The following TGFBR2 variants were observed in gnomAD, a reference collection of about 807,000 sequenced individuals.
TGFBR2 encodes the protein transforming growth factor beta receptor 2.
Under a neutral mutation model 49.0 loss-of-function variants are expected in TGFBR2, and 18 were observed. That is an observed-to-expected ratio of 0.37 (90% confidence interval 0.25 to 0.54). The LOEUF (loss-of-function observed/expected upper bound fraction) is 0.54, where lower values mean the gene tolerates loss of function less well. TGFBR2 is among the 20% of genes least tolerant of loss of function. The probability of loss-of-function intolerance (pLI) is 0.85; values close to 1 mark genes in which losing one functional copy is unlikely to be tolerated. For synonymous variants in TGFBR2, 282 were observed against 275.9 expected (o/e 1.02, Z -0.22); for missense variants, 525 against 722.6 (o/e 0.73, Z 3.13).
intron 1 of TGFBR2, among the ~76,000 whole-genome samples, chr3:30,635,387 TG>T (rs1177955145): frequency 1.3e-5 from 2 of 152,094 alleles, no homozygotes; most frequent in African/African-American, 2.4e-5. Context: ...CAGCAAGCGT[TG>T]GGGGGACTCA....
intron 1 of TGFBR2, among the ~76,000 whole-genome samples, chr3:30,607,812 A>G (rs1017248898): frequency 2.2e-5 from 3 of 139,098 alleles, no homozygotes; most frequent in Admixed American, 2.1e-4. Context: ...ATATATATAT[A>G]TTATATATAT....
chr3:30,691,275 G>T, intron 6 of TGFBR2, 145 bp from the exon 7 acceptor site: 1 of 861,614 alleles, frequency 1.2e-6, no homozygotes, highest in Non-Finnish European at 1.8e-6. Context: ...GCCTGCAGCA[G>T]CAGGCACTCA....
chr3:30,616,478 G>A (rs1698135962), intron 1 of TGFBR2, among the ~76,000 whole-genome samples: 1 of 152,184 alleles, frequency 6.6e-6, no homozygotes, highest in Non-Finnish European at 1.5e-5. Flanking sequence ...AGCTGGTAAA[G>A]ACTAAGGTAT....
chr3:30,610,608 G>A (rs928705944), intron 1 of TGFBR2, among the ~76,000 whole-genome samples: 2 of 152,174 alleles, frequency 1.3e-5, no homozygotes, highest in Non-Finnish European at 2.9e-5. Flanking sequence ...CACTTGCCAT[G>A]TACTGGCTGT....
intron 1 of TGFBR2, among the ~76,000 whole-genome samples, chr3:30,622,698 G>A (rs1698252905): frequency 6.6e-6 from 1 of 151,746 alleles, no homozygotes; most frequent in Admixed American, 6.6e-5. Context: ...TGACCAACAT[G>A]GTGAAACCCT....
At chr3:30,620,341 C>T (rs1397113751) in intron 1 of TGFBR2, among the ~76,000 whole-genome samples, 1 of 152,100 alleles carries the variant, frequency 6.6e-6, no homozygotes, top group Non-Finnish European at 1.5e-5. Context: ...CTTTTAAAGG[C>T]CGAGGAAACT....
intron 1 of TGFBR2, among the ~76,000 whole-genome samples, chr3:30,613,211 A>T (rs545457209): frequency 2.7e-5 from 4 of 150,342 alleles, no homozygotes; most frequent in African/African-American, 9.8e-5. Context: ...TAAAATATAG[A>T]CCTAGTATAT....
chr3:30,691,131 G>A (rs1156448397), intron 6 of TGFBR2, among the ~76,000 whole-genome samples: 2 of 152,158 alleles, frequency 1.3e-5, no homozygotes, highest in Non-Finnish European at 2.9e-5. Context: ...TACCCCAGAA[G>A]CCCAGCAGAG....
chr3:30,689,931 A>G (rs956730672), intron 6 of TGFBR2, among the ~76,000 whole-genome samples: 1 of 152,244 alleles, frequency 6.6e-6, no homozygotes, highest in Non-Finnish European at 1.5e-5. Flanking sequence ...GTGCCAGAAT[A>G]AAATAAATGT....
In TGFBR2 at chr3:30,692,511, G is replaced by T. The variant is rs1281356736; in HGVS notation, c.*912G>T. 4.3e-6 allele frequency: 1 copy of T among 232,764 alleles called. No individual in the cohort carries two copies. The highest frequency in any genetic ancestry group is 2.2e-5 in the African/African-American group (1 of 45,262). 14.4% of individuals were successfully genotyped at this position (232,764 alleles called of 1,614,324 possible). On this transcript the variant is annotated 3_prime_UTR_variant, in exon 7 of 7. Coordinates refer to ENST00000295754, the MANE Select transcript of TGFBR2 (RefSeq NM_003242.6). ...TTGTTCTTTTTTTCATCTTTCCCCT[G>T]CACTTATGTTACTATTCTCTGCTCC...
chr3:30,687,826 G>A (rs1699650733), intron 5 of TGFBR2, among the ~76,000 whole-genome samples: 1 of 152,136 alleles, frequency 6.6e-6, no homozygotes, highest in African/African-American at 2.4e-5. Flanking sequence ...CAAGTGGAAT[G>A]ATACAATATT....
intron 5 of TGFBR2, 105 bp downstream of exon 5, chr3:30,674,351 C>A: frequency 6.9e-7 from 1 of 1,441,442 alleles, no homozygotes; most frequent in Non-Finnish European, 9.7e-7. Flanking sequence ...GTTATTAGAG[C>A]TAGTTGAGAT....
chr3:30,612,012 C>G (rs2125443958), intron 1 of TGFBR2, among the ~76,000 whole-genome samples: 1 of 152,296 alleles, frequency 6.6e-6, no homozygotes, highest in South Asian at 2.1e-4. Flanking sequence ...TTTGCACTCT[C>G]TACTTTCCTG....
intron 2 of TGFBR2, among the ~76,000 whole-genome samples, chr3:30,649,837 A>AT (rs1275884242): frequency 1.3e-5 from 2 of 152,292 alleles, no homozygotes; most frequent in East Asian, 3.9e-4. Context: ...GACAGGACAG[A>AT]TTTTGCCACT....
At chr3:30,678,305 T>C (rs1474221321) in intron 5 of TGFBR2, among the ~76,000 whole-genome samples, 1 of 152,016 alleles carries the variant, frequency 6.6e-6, no homozygotes, top group African/African-American at 2.4e-5. Flanking sequence ...CCCAACACTT[T>C]GGGAAGCCGA....
chr3:30,639,806 A>G (rs1270336609), intron 1 of TGFBR2, among the ~76,000 whole-genome samples: 1 of 152,248 alleles, frequency 6.6e-6, no homozygotes, highest in Non-Finnish European at 1.5e-5. Context: ...ATTCAATGAT[A>G]CACGAATGCA....
intron 3 of TGFBR2, among the ~76,000 whole-genome samples, chr3:30,663,092 A>G (rs973788281): frequency 1.3e-5 from 2 of 152,208 alleles, no homozygotes; most frequent in African/African-American, 2.4e-5. Flanking sequence ...TAACATGCCA[A>G]CAAAATTTTT....
chr3:30,692,749 A>G lies in TGFBR2; in HGVS notation c.*1150A>G, dbSNP rs185269441. On this transcript the variant is annotated 3_prime_UTR_variant, in exon 7 of 7. Transcript: ENST00000295754. ...CATTGTCAGGACTATGACCTCAGGC[A>G]CTCTAAACATATGTTTTGTTTGGTC... 4 of 233,276 alleles carry G rather than the reference A, an allele frequency of 1.7e-5. No individual in the cohort carries two copies. In the East Asian group the frequency reaches 2.4e-4, roughly 14 times the overall value. The allele number at this position is 233,276 out of a possible 1,614,324, so 14.5% of individuals were successfully genotyped here. A position where few individuals can be genotyped will look rare whatever the true frequency, so the allele number is the denominator to read the frequency against.
intron 5 of TGFBR2, among the ~76,000 whole-genome samples, chr3:30,677,508 A>G (rs1175499325): frequency 6.6e-6 from 1 of 152,188 alleles, no homozygotes; most frequent in Non-Finnish European, 1.5e-5. Context: ...AAAGCCGTTC[A>G]CTTGATTAAG....
Sources: gnomAD v4.1 joint callset for allele counts (sites outside exome capture counted in the v4.1 genomes callset) on GRCh38, gnomAD v4.1.1 for gene constraint, MANE v1.5 for transcripts, NCBI Gene and HGNC (gene_info 2026-07-23, HGNC 2026-07-21) for gene names.